Variants in SYT1 observed in about 807,000 individuals in gnomAD.
The protein encoded by SYT1 is synaptotagmin-1.
SYT1 carries 8 observed loss-of-function variants against 44.8 expected under a neutral mutation model. That is an observed-to-expected ratio of 0.18 (90% confidence interval 0.10 to 0.32). The LOEUF (loss-of-function observed/expected upper bound fraction) is 0.32. Among genes scored for constraint, SYT1 ranks in the 10% least tolerant of loss-of-function variants. The pLI, the probability that SYT1 is intolerant of heterozygous loss-of-function variation, is 1.00. For synonymous variants in SYT1, 154 were observed against 188.8 expected (o/e 0.82, Z 1.51); for missense variants, 286 against 509.3 (o/e 0.56, Z 4.22).
chr12:79,319,192 T>A lies in SYT1; in HGVS notation c.810+19641T>A, dbSNP rs140609517. On this transcript the variant is annotated intron_variant, in intron 8 of 10. Transcript: ENST00000261205. ...AAAAAATGCCATTTTTGTTTCTTTT[T>A]GGTAAACAGTGCTCTCTATTTCCTG... Among the ~76,000 whole-genome samples the A allele has an allele frequency of 4.7e-3, 721 of 152,300 alleles. 5 individuals carry two copies. Among genetic ancestry groups the A allele is most frequent in the Middle Eastern group, 0.014 (4 of 292 alleles).
chr12:79,425,754 G>A (rs901730263), intron 9 of SYT1, among the ~76,000 whole-genome samples: 5 of 152,050 alleles, frequency 3.3e-5, no homozygotes, highest in Non-Finnish European at 7.4e-5. Flanking sequence ...TATTTAAGTA[G>A]TCAACTACAC....
At chr12:79,210,400 CT>C (rs1049456194) in intron 3 of SYT1, among the ~76,000 whole-genome samples, 26 of 152,156 alleles carry the variant, frequency 1.7e-4, no homozygotes, top group African/African-American at 4.8e-4. Flanking sequence ...TCTCTCACCC[CT>C]CTCCCACTTT....
At chr12:79,312,230 T>G (rs1301199299) in intron 8 of SYT1, among the ~76,000 whole-genome samples, 1 of 152,132 alleles carries the variant, frequency 6.6e-6, no homozygotes, top group Non-Finnish European at 1.5e-5. Flanking sequence ...TAAATCGATT[T>G]GTAAAAATGT....
In SYT1 at chr12:79,449,712, A is replaced by C. The variant is rs145283526; in HGVS notation, c.*588A>C. ...ACCACATACTTGGTGGGTGAATCCAATTTTGTAGAATTCCTACACAGGCAA... is the reference window on the plus strand; with the variant it reads ...ACCACATACTTGGTGGGTGAATCCACTTTTGTAGAATTCCTACACAGGCAA... On this transcript the variant is annotated 3_prime_UTR_variant, in exon 11 of 11. Transcript: ENST00000261205. 1 of 152,416 alleles carries C rather than the reference A, an allele frequency of 6.6e-6. No homozygotes were observed. Among genetic ancestry groups the C allele is most frequent in the African/African-American group, 2.4e-5 (1 of 41,410 alleles). 9.4% of individuals were successfully genotyped at this position (152,416 alleles called of 1,614,324 possible).
chr12:79,145,145 T>A (rs1274507568), intron 3 of SYT1, among the ~76,000 whole-genome samples: 1 of 152,208 alleles, frequency 6.6e-6, no homozygotes, highest in Non-Finnish European at 1.5e-5. Context: ...AAATTACTAC[T>A]CTTGTTCATT....
chr12:78,979,404 C>A (rs1326559584), intron 2 of SYT1, among the ~76,000 whole-genome samples: 1 of 152,000 alleles, frequency 6.6e-6, no homozygotes, highest in African/African-American at 2.4e-5. Flanking sequence ...TTCTGAGTTC[C>A]ATGCCAGACT....
At chr12:78,974,732 G>A (rs549277460) in intron 1 of SYT1, among the ~76,000 whole-genome samples, 2 of 152,090 alleles carry the variant, frequency 1.3e-5, no homozygotes, top group Admixed American at 6.5e-5. Flanking sequence ...CACCGCCCCC[G>A]GCCCTGAAAA....
chr12:79,314,825 C>G (rs929721381), intron 8 of SYT1, among the ~76,000 whole-genome samples: 4 of 152,248 alleles, frequency 2.6e-5, no homozygotes, highest in Middle Eastern at 3.4e-3. Flanking sequence ...AAATATTCAT[C>G]AAGTGATGAA....
intron 2 of SYT1, among the ~76,000 whole-genome samples, chr12:78,984,626 A>G (rs1869513958): frequency 1.3e-5 from 2 of 152,044 alleles, no homozygotes. Flanking sequence ...ACAATGAAGA[A>G]TAGAATTTAA....
intron 9 of SYT1, among the ~76,000 whole-genome samples, chr12:79,436,072 CA>C (rs1306401706): frequency 6.6e-6 from 1 of 152,132 alleles, no homozygotes; most frequent in Non-Finnish European, 1.5e-5. Context: ...GGTACAATTT[CA>C]GGGGCTCTAT....
chr12:78,906,681 A>T (rs1876000786), intron 1 of SYT1, among the ~76,000 whole-genome samples: 2 of 152,078 alleles, frequency 1.3e-5, no homozygotes. Flanking sequence ...GTCTTGATGC[A>T]GGTCGTGGAC....
intron 3 of SYT1, among the ~76,000 whole-genome samples, chr12:79,085,636 A>G (rs1350402050): frequency 1.3e-5 from 2 of 152,160 alleles, no homozygotes; most frequent in Non-Finnish European, 2.9e-5. Context: ...GAGAACTGCC[A>G]GTAACCAGGA....
At chr12:79,177,096 G>A (rs1299714639) in intron 3 of SYT1, among the ~76,000 whole-genome samples, 1 of 126,584 alleles carries the variant, frequency 7.9e-6, no homozygotes, top group Non-Finnish European at 1.6e-5. Context: ...TGCACATTGT[G>A]CAGGTTAGTT....
rs574470150 is a variant in SYT1 at position 78,885,744 on chromosome 12, A to C, written c.-217+20635A>C. On this transcript the variant is annotated intron_variant, in intron 1 of 10. Transcript: ENST00000261205. ...AGGCCCTGGGGTGACTATGGTTTTT[A>C]TTTGGAATGAGAGGTGAAACCAGTA... Among the ~76,000 whole-genome samples the C allele has an allele frequency of 1.2e-4, 18 of 152,052 alleles. No homozygotes were observed. The East Asian group carries it at 3.1e-3, about 26-fold the overall frequency.
chr12:78,880,716 A>G (rs1252308333), intron 1 of SYT1, among the ~76,000 whole-genome samples: 1 of 151,584 alleles, frequency 6.6e-6, no homozygotes, highest in African/African-American at 2.4e-5. Flanking sequence ...TATACCTTTA[A>G]AGTGCATGTA....
chr12:79,349,395 A>G (rs1485563494), intron 8 of SYT1, among the ~76,000 whole-genome samples: 1 of 152,232 alleles, frequency 6.6e-6, no homozygotes, highest in Non-Finnish European at 1.5e-5. Flanking sequence ...AGTTACAGAT[A>G]TAAAGTAAGA....
rs967971459 is a variant in SYT1, at chr12:79,039,902, T to G, written c.-83-7395T>G. On this transcript the variant is annotated intron_variant, in intron 2 of 10. Coordinates refer to ENST00000261205, the MANE Select transcript of SYT1 (RefSeq NM_005639.3). ...GTTTTTTGTTCTTGTGATAGTTTAC[T>G]GAGAATGATGATTTCCAATTTCATC... Among the ~76,000 whole-genome samples the G allele has an allele frequency of 3.9e-4, 56 of 144,966 alleles. No individual in the cohort carries two copies. The East Asian group carries it at 0.01, about 27-fold the overall frequency.
intron 3 of SYT1, among the ~76,000 whole-genome samples, chr12:79,102,270 TTCTCTC>T (rs113338125): frequency 6.1e-5 from 9 of 148,722 alleles, no homozygotes; most frequent in African/African-American, 1.5e-4. Flanking sequence ...CTCTCTCTCT[TTCTCTC>T]TCTCTCTCTC....
intron 2 of SYT1, among the ~76,000 whole-genome samples, chr12:78,987,589 G>A (rs1373252013): frequency 6.6e-6 from 1 of 151,910 alleles, no homozygotes; most frequent in East Asian, 1.9e-4. Flanking sequence ...ACCTTCCCCT[G>A]CTACCTCTCT....
Sources: allele counts gnomAD v4.1 joint callset (sites outside exome capture counted in the v4.1 genomes callset), GRCh38; gene constraint gnomAD v4.1.1; transcripts MANE v1.5; gene names NCBI Gene and HGNC (gene_info 2026-07-23, HGNC 2026-07-21).